TAF4B: variants seen among roughly 807,000 people sequenced by gnomAD.
TAF4B encodes TATA-box binding protein associated factor 4b, also known as transcription initiation factor TFIID subunit 4B.
In TAF4B, 38 loss-of-function variants were observed where a neutral mutation model predicts 86.4. The observed-to-expected ratio is 0.44, with a 90% CI of 0.34 to 0.58. TAF4B has a LOEUF of 0.58. Among genes scored for constraint, TAF4B ranks in the 20% least tolerant of loss-of-function variants. TAF4B has a pLI of 0.02. For synonymous variants in TAF4B, 388 were observed against 391.2 expected (o/e 0.99, Z 0.10); for missense variants, 988 against 1,027.6 (o/e 0.96, Z 0.53).
intron 1 of TAF4B, among the ~76,000 whole-genome samples, chr18:26,229,090 A>C (rs2055622924): frequency 6.6e-6 from 1 of 152,138 alleles, no homozygotes; most frequent in Non-Finnish European, 1.5e-5. Context: ...TCAGTACTGA[A>C]AGGTGATTCA....
intron 5 of TAF4B, among the ~76,000 whole-genome samples, chr18:26,276,679 A>C (rs901131650): frequency 6.6e-6 from 1 of 152,190 alleles, no homozygotes; most frequent in East Asian, 1.9e-4. Flanking sequence ...CATACTAACA[A>C]ATTTTTAATT....
rs201665907 is a variant in TAF4B at position 26,352,438 on chromosome 18, C to CT, written c.2317-5249dup. Among the ~76,000 whole-genome samples the CT allele has an allele frequency of 9.7e-3, 1,470 of 152,028 alleles. 27 individuals are homozygous for CT. The highest frequency in any genetic ancestry group is 0.033 in the African/African-American group (1,387 of 41,452). ...AAAGCAAGCAGAAGGAAGCACATAT[C>CT]TTTGAGTACTAATCAATGACTTTGG... On this transcript the variant is annotated intron_variant, in intron 13 of 14. Transcript: ENST00000269142.
At chr18:26,325,237 G>A (rs1791761) in intron 11 of TAF4B, among the ~76,000 whole-genome samples, 141,496 of 152,258 alleles carry the variant, frequency 0.93, 66,068 homozygotes, top group East Asian at 0.99. Flanking sequence ...GCTTCATTCA[G>A]TGTTTTCCAG....
At chr18:26,326,992 T>C in intron 11 of TAF4B, 23 bp from the exon 12 acceptor site, 2 of 1,608,234 alleles carry the variant, frequency 1.2e-6, no homozygotes, top group Non-Finnish European at 1.7e-6. Flanking sequence ...TTATAAGACT[T>C]TCTGTTTTCT....
Position 26,272,876 on chromosome 18 carries a change from A to G in TAF4B, c.598-1787A>G, listed in dbSNP as rs1009201489. 2.2e-5 allele frequency among the ~76,000 whole-genome samples: 3 copies of G among 134,148 alleles called. No individual in the cohort carries two copies. The South Asian group carries it at 9.8e-4, about 44-fold the overall frequency. 88.0% of individuals were successfully genotyped at this position (134,148 alleles called of 152,430 possible). A position where few individuals can be genotyped will look rare whatever the true frequency, so the allele number is the denominator to read the frequency against. On this transcript the variant is annotated intron_variant, in intron 3 of 14. Coordinates refer to ENST00000269142, the MANE Select transcript of TAF4B (RefSeq NM_005640.3). ...GAAAAGGAGGGAGACTTCCTTTTGA[A>G]TGTGCATTTGAGGCTCTATATTTAA...
chr18:26,280,744 T>G (rs187190694), intron 5 of TAF4B, among the ~76,000 whole-genome samples: 1 of 152,336 alleles, frequency 6.6e-6, no homozygotes, highest in Admixed American at 6.5e-5. Flanking sequence ...GGTTTGAAGA[T>G]TTCTTAAAGA....
intron 1 of TAF4B, among the ~76,000 whole-genome samples, chr18:26,238,819 T>A (rs2041834941): frequency 6.6e-6 from 1 of 152,160 alleles, no homozygotes; most frequent in Non-Finnish European, 1.5e-5. Context: ...AATTCTCACC[T>A]ATGAGATAGA....
intron 10 of TAF4B, 26 bp from the exon 11 acceptor site, chr18:26,321,044 G>T: frequency 1.9e-6 from 3 of 1,612,858 alleles, no homozygotes; most frequent in Non-Finnish European, 2.5e-6. Context: ...ACTAAAACAC[G>T]TAATGGATTT....
chr18:26,362,976 A>T (rs189957506), intron 14 of TAF4B, among the ~76,000 whole-genome samples: 1 of 152,222 alleles, frequency 6.6e-6, no homozygotes, highest in African/African-American at 2.4e-5. Flanking sequence ...ATTATGTAGT[A>T]TAAGTAATCC....
At chr18:26,251,186 C>G (rs985416229) in intron 1 of TAF4B, among the ~76,000 whole-genome samples, 1 of 152,012 alleles carries the variant, frequency 6.6e-6, no homozygotes, top group Non-Finnish European at 1.5e-5. Flanking sequence ...ACGTTTGGTT[C>G]CATATTAAGG....
chr18:26,294,113 G>T (rs1410726956), intron 9 of TAF4B, among the ~76,000 whole-genome samples: 1 of 151,964 alleles, frequency 6.6e-6, no homozygotes, highest in Non-Finnish European at 1.5e-5. Flanking sequence ...ACAGAATTTT[G>T]CATGAACATA....
rs1568148050 is a variant in TAF4B, at chr18:26,315,151, TCTCTCTCTCTCA to T, written c.1833-76_1833-65del. 100 of 453,400 alleles carry T rather than the reference TCTCTCTCTCTCA, an allele frequency of 2.2e-4. 1 individual carries two copies. The highest frequency in any genetic ancestry group is 8.6e-4 in the Middle Eastern group (1 of 1,158). 28.1% of individuals were successfully genotyped at this position (453,400 alleles called of 1,614,324 possible). Reference sequence around the variant, plus strand: ...CTCTCTCTCTCTCTCTCTCTGTCTCTCTCTCTCTCTCACACACACACACACACACACACACAC... The same window carrying T: ...CTCTCTCTCTCTCTCTCTCTGTCTCTCACACACACACACACACACACACAC... On this transcript the variant is annotated intron_variant, in intron 9 of 14. Coordinates refer to ENST00000269142, the MANE Select transcript of TAF4B (RefSeq NM_005640.3).
chr18:26,309,752 C>A (rs1455344583), intron 9 of TAF4B, among the ~76,000 whole-genome samples: 1 of 152,136 alleles, frequency 6.6e-6, no homozygotes, highest in African/African-American at 2.4e-5. Flanking sequence ...GTCATTTTCA[C>A]TCCCATTTTA....
At position 26,226,898 on chromosome 18, in the gene TAF4B, A is replaced by C; in HGVS notation, c.-36A>C. On this transcript the variant is annotated 5_prime_UTR_variant, in exon 1 of 15. Coordinates refer to ENST00000269142, the MANE Select transcript of TAF4B (RefSeq NM_005640.3). ...GCCTCCCCTCACCTCTGCTCCCGGA[A>C]CCGCAGCGCCAAAGCTGCCGCTGAG... The C allele has an allele frequency of 7.4e-7, 1 of 1,343,340 alleles. No individual in the cohort carries two copies. Among genetic ancestry groups the C allele is most frequent in the Non-Finnish European group, 9.5e-7 (1 of 1,053,842 alleles). The allele number at this position is 1,343,340 out of a possible 1,614,324, so 83.2% of individuals were successfully genotyped here.
At chr18:26,303,049 C>T (rs2056754315) in intron 9 of TAF4B, among the ~76,000 whole-genome samples, 1 of 141,118 alleles carries the variant, frequency 7.1e-6, no homozygotes, top group Admixed American at 7.1e-5. Flanking sequence ...TTTCTTCCTC[C>T]ACTTTCATAC....
Position 26,226,927 on chromosome 18 carries a change from C to T in TAF4B, c.-7C>T. 1 of 1,370,964 alleles carries T rather than the reference C, an allele frequency of 7.3e-7. No homozygotes were observed. 84.9% of individuals were successfully genotyped at this position (1,370,964 alleles called of 1,614,324 possible). Reference sequence around the variant, plus strand: ...CAGCGCCAAAGCTGCCGCTGAGCCCCTGGGGGATGCCCGCCGGCCTCACCG... The same window carrying T: ...CAGCGCCAAAGCTGCCGCTGAGCCCTTGGGGGATGCCCGCCGGCCTCACCG... On this transcript the variant is annotated 5_prime_UTR_variant, in exon 1 of 15. Coordinates refer to ENST00000269142, the MANE Select transcript of TAF4B (RefSeq NM_005640.3).
intron 1 of TAF4B, among the ~76,000 whole-genome samples, chr18:26,242,485 C>A (rs1350579371): frequency 1.3e-5 from 2 of 151,488 alleles, no homozygotes; most frequent in African/African-American, 4.9e-5. Context: ...TGTCTCTGCA[C>A]GTGAGATGGG....
intron 13 of TAF4B, among the ~76,000 whole-genome samples, chr18:26,338,342 A>G (rs1462053422): frequency 1.3e-5 from 2 of 151,970 alleles, no homozygotes; most frequent in African/African-American, 4.8e-5. Flanking sequence ...CCAGTTACTC[A>G]GGAGTCTGAG....
Position 26,327,042 on chromosome 18 carries a change from G to A in TAF4B, c.2161G>A (p.Asp721Asn). 1.2e-6 allele frequency: 2 copies of A among 1,613,368 alleles called. No homozygotes were observed. Among genetic ancestry groups the A allele is most frequent in the Non-Finnish European group, 1.7e-6 (2 of 1,179,724 alleles). ...KASENYILCS[D>N]TRSQLKFLEK... ...AAGTGAAAATTACATCCTGTGTAGT[G>A]ATACCAGGTCACAGCTCAAATTTCT... The change falls in exon 12 of 15, where the codon GAT (aspartate) becomes AAT (asparagine). Residue 721 changes from aspartate (D) to asparagine (N), a missense_variant. Asp to Asn is a conservative substitution (Grantham distance 23). Transcript: ENST00000269142.
Sources: allele counts gnomAD v4.1 joint callset (sites outside exome capture counted in the v4.1 genomes callset), GRCh38; gene constraint gnomAD v4.1.1; transcripts MANE v1.5; gene names NCBI Gene and HGNC (gene_info 2026-07-23, HGNC 2026-07-21).